The following RNF34 variants were observed in gnomAD, a reference collection of about 807,000 sequenced individuals.
The protein encoded by RNF34 is ring finger protein 34, also known as E3 ubiquitin-protein ligase RNF34.
RNF34 carries 12 observed loss-of-function variants against 37.9 expected under a neutral mutation model. The observed-to-expected ratio is 0.32, with a 90% CI of 0.20 to 0.51. The LOEUF is 0.51. Ranked by LOEUF, RNF34 falls within the 20% of genes least tolerant of loss-of-function variation. The pLI is 0.97. For synonymous variants in RNF34, 155 were observed against 177.2 expected, an observed-to-expected ratio of 0.87 and a Z score of 1.00; for missense variants, 362 against 472.7, an observed-to-expected ratio of 0.77 and a Z score of 2.17.
intron 1 of RNF34, among the ~76,000 whole-genome samples, chr12:121,401,078 G>T (rs1869943151): frequency 6.6e-6 from 1 of 152,110 alleles, no homozygotes; most frequent in Non-Finnish European, 1.5e-5. Flanking sequence ...GTGCAGAGGT[G>T]TGCTGGGGGT....
At chr12:121,414,683 GT>G (rs1871394531) in intron 1 of RNF34, among the ~76,000 whole-genome samples, 1 of 151,510 alleles carries the variant, frequency 6.6e-6, no homozygotes, top group African/African-American at 2.4e-5. Flanking sequence ...TGTTGTTGTT[GT>G]TTTTTCGAGA....
rs1342011344 is a variant in RNF34 at position 121,417,794 on chromosome 12, T to C, written c.516T>C (p.Ser172=). The C allele has an allele frequency of 3.1e-6, 5 of 1,614,094 alleles. No homozygotes were observed. The highest frequency in any genetic ancestry group is 2.7e-5 in the African/African-American group (2 of 74,928). Residue 172 remains serine (S), a synonymous_variant, in exon 3 of 6, where the codon TCT becomes TCC. Coordinates refer to ENST00000361234, the MANE Select transcript of RNF34 (RefSeq NM_025126.4). The surrounding 1 kb of genome is among the most constrained non-coding windows in gnomAD (Gnocchi z 5.0). ...TGAATTCTTCAAGGTCCCAGACTTC[T>C]AGCTTTTTTACACGTTCGTTTTTTT... ...SSLNSSRSQT[S]SFFTRSFFSN...
intron 3 of RNF34, among the ~76,000 whole-genome samples, chr12:121,419,197 A>G (rs1871863812): frequency 6.6e-6 from 1 of 152,234 alleles, no homozygotes; most frequent in Non-Finnish European, 1.5e-5. Context: ...AGATACACAA[A>G]TACTTATTAC....
chr12:121,422,940 A>G (rs957300151), intron 5 of RNF34, among the ~76,000 whole-genome samples: 4 of 152,166 alleles, frequency 2.6e-5, no homozygotes, highest in Non-Finnish European at 5.9e-5. Context: ...TCCTTTTCCT[A>G]CTGAGATGAG....
rs1273102558 is a variant in RNF34, at chr12:121,417,931, T to C, written c.633+20T>C. 1 of 1,608,080 alleles carries C rather than the reference T, an allele frequency of 6.2e-7. No individual in the cohort carries two copies. Among genetic ancestry groups the C allele is most frequent in the Non-Finnish European group, 8.5e-7 (1 of 1,177,214 alleles). ...GCACAGGTACGAGGGGGTAACTAAT[T>C]ACACCCAGGGCCCGGCACGCTTATT... is the stretch of plus-strand genomic sequence containing the variant. On this transcript the variant is annotated intron_variant, in intron 3 of 5. Coordinates refer to ENST00000361234, the MANE Select transcript of RNF34 (RefSeq NM_025126.4). The surrounding 1 kb of genome is among the most constrained non-coding windows in gnomAD (Gnocchi z 5.0).
intron 1 of RNF34, chr12:121,402,706 G>T: frequency 7.4e-7 from 1 of 1,351,036 alleles, no homozygotes; most frequent in South Asian, 1.2e-5. Context: ...GTAATCTACT[G>T]AATGTAATTC....
chr12:121,421,380 A>AAAAC (rs1872129419), intron 5 of RNF34, among the ~76,000 whole-genome samples: 19 of 144,492 alleles, frequency 1.3e-4, no homozygotes, highest in South Asian at 2.3e-4. Flanking sequence ...CTAAAAAAAA[A>AAAAC]AAAAAAAAAA....
At chr12:121,403,683 G>C (rs1593646048) in intron 1 of RNF34, among the ~76,000 whole-genome samples, 1 of 152,260 alleles carries the variant, frequency 6.6e-6, no homozygotes, top group East Asian at 1.9e-4. Flanking sequence ...TGGAAGAACA[G>C]TATCGCTCCT....
chr12:121,409,786 C>T (rs1386084664), intron 1 of RNF34: 1 of 152,270 alleles, frequency 6.6e-6, no homozygotes, highest in African/African-American at 2.4e-5. Context: ...AGGTACAGGA[C>T]TAAAACACCT....
intron 1 of RNF34, among the ~76,000 whole-genome samples, chr12:121,410,001 C>A (rs1025108580): frequency 3.3e-5 from 5 of 151,598 alleles, no homozygotes; most frequent in African/African-American, 1.2e-4. Flanking sequence ...ACTAAAAATA[C>A]AAAATTAGCC....
At chr12:121,415,069 C>G (rs782501176) in intron 1 of RNF34, among the ~76,000 whole-genome samples, 19 of 149,786 alleles carry the variant, frequency 1.3e-4, no homozygotes, top group Admixed American at 1.3e-4. Flanking sequence ...ACACTCCAGC[C>G]TGGGCAACAA....
At chr12:121,421,371 T>TAAAAAAAAA (rs11398833) in intron 5 of RNF34, among the ~76,000 whole-genome samples, 4 of 46,364 alleles carry the variant, frequency 8.6e-5, no homozygotes, top group Non-Finnish European at 1.8e-4. Context: ...ATCCCATCTC[T>TAAAAAAAAA]AAAAAAAAAA....
intron 1 of RNF34, among the ~76,000 whole-genome samples, chr12:121,412,230 C>CTTTTT (rs560473770): frequency 2.0e-5 from 1 of 49,610 alleles, no homozygotes; most frequent in Non-Finnish European, 3.7e-5. Context: ...CCCAACTAAT[C>CTTTTT]TTTTTTTTTT....
At chr12:121,420,508 G>A in intron 4 of RNF34, 69 bp from the exon 5 acceptor site, 4 of 1,581,454 alleles carry the variant, frequency 2.5e-6, no homozygotes, top group Non-Finnish European at 3.5e-6. Flanking sequence ...TTCAGGGCCA[G>A]TGATGAGTTT....
In RNF34 at chr12:121,417,376, G is replaced by A; in HGVS notation, c.226-128G>A. 2 of 728,752 alleles carry A rather than the reference G, an allele frequency of 2.7e-6. No individual in the cohort carries two copies. The highest frequency in any genetic ancestry group is 4.4e-6 in the Non-Finnish European group (2 of 451,000). The allele number at this position is 728,752 out of a possible 1,614,324, so 45.1% of individuals were successfully genotyped here. On this transcript the variant is annotated intron_variant, in intron 2 of 5. Transcript: ENST00000361234. This position sits in a 1 kb window ranked among gnomAD's most constrained non-coding sequence, Gnocchi z 5.0. Reference sequence around the variant, plus strand: ...CTTTTGAAACATGAAAATACCTCTGGAAATAGTCTGGTGCCACTGGGGACT... The same window carrying A: ...CTTTTGAAACATGAAAATACCTCTGAAAATAGTCTGGTGCCACTGGGGACT...
chr12:121,415,807 C>G (rs1871508370), intron 1 of RNF34, among the ~76,000 whole-genome samples: 2 of 148,050 alleles, frequency 1.4e-5, no homozygotes, highest in Admixed American at 6.7e-5. Context: ...TATGCATATC[C>G]CAAATATACC....
At chr12:121,418,457 G>A (rs1428218029) in intron 3 of RNF34, 3 of 152,990 alleles carry the variant, frequency 2.0e-5, no homozygotes, top group African/African-American at 7.2e-5. Context: ...GTAAAGGCTT[G>A]TAATTAATAT....
chr12:121,411,442 A>C (rs1871048571), intron 1 of RNF34, among the ~76,000 whole-genome samples: 1 of 152,156 alleles, frequency 6.6e-6, no homozygotes, highest in African/African-American at 2.4e-5. Context: ...TAGTTGAAAA[A>C]AAAATTTTCA....
chr12:121,413,136 CT>C (rs78573621), intron 1 of RNF34, among the ~76,000 whole-genome samples: 28,871 of 151,880 alleles, frequency 0.19, 4,214 homozygotes, highest in African/African-American at 0.41. Flanking sequence ...AGCGATTCTC[CT>C]GCCTCGGCCT....
Sources: gnomAD v4.1 joint callset for allele counts (sites outside exome capture counted in the v4.1 genomes callset) on GRCh38, gnomAD v4.1.1 for gene constraint, Gnocchi (gnomAD v3.1) non-coding constraint, MANE v1.5 for transcripts, NCBI Gene and HGNC (gene_info 2026-07-23, HGNC 2026-07-21) for gene names.